ZBTB44: variants seen among roughly 807,000 people sequenced by gnomAD.
ZBTB44 encodes zinc finger and BTB domain containing 44.
Under a neutral mutation model 54.0 loss-of-function variants are expected in ZBTB44, and 15 were observed. The observed-to-expected ratio is 0.28, with a 90% confidence interval of 0.19 to 0.43. ZBTB44 has a LOEUF of 0.43. Ranked by LOEUF, ZBTB44 falls within the 20% of genes least tolerant of loss-of-function variation. The probability of loss-of-function intolerance (pLI) is 1.00; values close to 1 mark genes in which losing one functional copy is unlikely to be tolerated. For missense variants in ZBTB44, 487 were observed against 707.1 expected (o/e 0.69, Z 3.53); for synonymous variants, 230 against 250.1 (o/e 0.92, Z 0.76).
chr11:130,234,282 G>A lies in ZBTB44; in HGVS notation c.1569-9C>T, dbSNP rs770988877. On this transcript the variant is annotated splice_polypyrimidine_tract_variant and intron_variant, in intron 5 of 7. Coordinates refer to ENST00000357899, the MANE Select transcript of ZBTB44 (RefSeq NM_001301098.2). ...CCGGTACTAGGAAATCACTAGATAA[G>A]AGGCAAAGGATGAAATATGGAATTA... The A allele has an allele frequency of 2.0e-6, 3 of 1,525,452 alleles. No individual in the cohort carries two copies. Among genetic ancestry groups the A allele is most frequent in the Non-Finnish European group, 2.6e-6 (3 of 1,135,058 alleles). 94.5% of individuals were successfully genotyped at this position (1,525,452 alleles called of 1,614,324 possible).
At chr11:130,238,653 A>G (rs1954217496) in intron 3 of ZBTB44, 46 bp from the exon 4 acceptor site, 2 of 1,571,150 alleles carry the variant, frequency 1.3e-6, no homozygotes, top group Admixed American at 1.9e-5. Context: ...TGATTTTTAA[A>G]CTGAATAAAC....
At chr11:130,235,532 G>A (rs1374332747) in intron 5 of ZBTB44, among the ~76,000 whole-genome samples, 1 of 152,142 alleles carries the variant, frequency 6.6e-6, no homozygotes, top group Non-Finnish European at 1.5e-5. Context: ...GTCAGGGGTG[G>A]TGCCCACACT....
intron 2 of ZBTB44, among the ~76,000 whole-genome samples, chr11:130,248,307 T>C (rs911508422): frequency 2.0e-5 from 3 of 152,208 alleles, no homozygotes; most frequent in Admixed American, 6.5e-5. Context: ...GATTGGTTTG[T>C]TGAGAGTGAT....
intron 1 of ZBTB44, among the ~76,000 whole-genome samples, chr11:130,291,018 A>G (rs1182436752): frequency 6.6e-6 from 1 of 152,144 alleles, no homozygotes; most frequent in Non-Finnish European, 1.5e-5. Flanking sequence ...TGTATCATAC[A>G]TATTCCCACT....
intron 1 of ZBTB44, among the ~76,000 whole-genome samples, chr11:130,263,028 T>TCCACC (rs1410986057): frequency 2.0e-5 from 3 of 152,334 alleles, no homozygotes; most frequent in Non-Finnish European, 4.4e-5. Flanking sequence ...ACCACTGCAC[T>TCCACC]CCACCCTTGG....
At chr11:130,270,941 T>C (rs1027193774) in intron 1 of ZBTB44, among the ~76,000 whole-genome samples, 3 of 152,214 alleles carry the variant, frequency 2.0e-5, no homozygotes, top group Non-Finnish European at 4.4e-5. Flanking sequence ...AATTTCATTC[T>C]GCTGAATTTA....
intron 1 of ZBTB44, among the ~76,000 whole-genome samples, chr11:130,282,760 C>T (rs930176209): frequency 2.6e-5 from 4 of 152,158 alleles, no homozygotes; most frequent in South Asian, 4.1e-4. Flanking sequence ...CTCTCTTCCA[C>T]GTTGGCAATT....
intron 1 of ZBTB44, among the ~76,000 whole-genome samples, chr11:130,309,179 C>G (rs1457057057): frequency 6.6e-6 from 1 of 152,232 alleles, no homozygotes; most frequent in Non-Finnish European, 1.5e-5. Context: ...GTCAGCTTCT[C>G]TCTTGCTGAT....
intron 2 of ZBTB44, among the ~76,000 whole-genome samples, chr11:130,255,712 G>C (rs1428861867): frequency 6.6e-6 from 1 of 151,802 alleles, no homozygotes; most frequent in African/African-American, 2.4e-5. Context: ...ATGATAAAAG[G>C]GATGTCATTA....
chr11:130,291,826 T>A (rs1029550616), intron 1 of ZBTB44, among the ~76,000 whole-genome samples: 1 of 152,226 alleles, frequency 6.6e-6, no homozygotes, highest in Middle Eastern at 3.2e-3. Context: ...ATAATTCATG[T>A]ACAATAAACT....
chr11:130,244,528 G>T (rs970605141), intron 2 of ZBTB44, among the ~76,000 whole-genome samples: 1 of 151,910 alleles, frequency 6.6e-6, no homozygotes, highest in Non-Finnish European at 1.5e-5. Flanking sequence ...TTAGCCGGGC[G>T]TGGTGGCGGG....
At chr11:130,307,853 G>A (rs763101660) in intron 1 of ZBTB44, among the ~76,000 whole-genome samples, 1 of 152,228 alleles carries the variant, frequency 6.6e-6, no homozygotes, top group Non-Finnish European at 1.5e-5. Context: ...AGCCTCCCAA[G>A]TAGCTGTGAC....
Position 130,249,650 on chromosome 11 carries a change from A to C in ZBTB44, c.1019-9754T>G, listed in dbSNP as rs183149479. 1.2e-4 allele frequency among the ~76,000 whole-genome samples: 18 copies of C among 152,340 alleles called. No individual in the cohort carries two copies. In the East Asian group the frequency reaches 3.5e-3, roughly 29 times the overall value. ...TGGGTACAGCCCACAGAGGGTGAGC[A>C]GAAGCAGGGTGGGGCGTTACCTCAC... On this transcript the variant is annotated intron_variant, in intron 2 of 7. Coordinates refer to ENST00000357899, the MANE Select transcript of ZBTB44 (RefSeq NM_001301098.2).
chr11:130,295,673 T>G, intron 1 of ZBTB44: 1 of 1,323,012 alleles, frequency 7.6e-7, no homozygotes, highest in Non-Finnish European at 1.1e-6. Context: ...AAATTCAGCA[T>G]GAAAGTATCA....
At chr11:130,306,538 G>C (rs1281504827) in intron 1 of ZBTB44, among the ~76,000 whole-genome samples, 2 of 151,706 alleles carry the variant, frequency 1.3e-5, no homozygotes, top group African/African-American at 4.8e-5. Flanking sequence ...ACTACCATTT[G>C]ATCCAGCAAT....
rs755954147 is a variant in ZBTB44, at chr11:130,261,916, A to T, written c.-43T>A. 6.6e-7 allele frequency: 1 copy of T among 1,521,830 alleles called. No individual in the cohort carries two copies. Among genetic ancestry groups the T allele is most frequent in the Non-Finnish European group, 8.8e-7 (1 of 1,137,582 alleles). 94.3% of individuals were successfully genotyped at this position (1,521,830 alleles called of 1,614,324 possible). ...ACAGATGCTCTTCAAGGATGCAAAT[A>T]AATCAGAAATGTCCTAAAAAATACA... On this transcript the variant is annotated 5_prime_UTR_variant, in exon 2 of 8. Coordinates refer to ENST00000357899, the MANE Select transcript of ZBTB44 (RefSeq NM_001301098.2). The surrounding 1 kb of genome is among the most constrained non-coding windows in gnomAD (Gnocchi z 4.8).
rs141580282 is a variant in ZBTB44 at position 130,250,134 on chromosome 11, G to A, written c.1019-10238C>T. 6.6e-3 allele frequency among the ~76,000 whole-genome samples: 1,011 copies of A among 152,274 alleles called. 14 individuals are homozygous for A. The highest frequency in any genetic ancestry group is 0.035 in the South Asian group (167 of 4,830). On this transcript the variant is annotated intron_variant, in intron 2 of 7. Transcript: ENST00000357899. The stretch of plus-strand genomic sequence containing the variant: ...GAGTAGTTGGTTTTCCCCTGACAGC[G>A]CTAAAAAGGCCTGGAAGTTCCAACT...
intron 1 of ZBTB44, among the ~76,000 whole-genome samples, chr11:130,306,431 G>C (rs1190969034): frequency 6.6e-6 from 1 of 151,966 alleles, no homozygotes; most frequent in African/African-American, 2.4e-5. Context: ...GAACCCAGGA[G>C]GCAGAGGTTG....
intron 1 of ZBTB44, among the ~76,000 whole-genome samples, chr11:130,276,239 A>AAAAAAAAAAAAG (rs1364226052): frequency 1.4e-5 from 2 of 142,416 alleles, no homozygotes; most frequent in Non-Finnish European, 3.0e-5. Context: ...TCTCAAAAAA[A>AAAAAAAAAAAAG]AAAAAAAGAA....
Sources: gnomAD v4.1 joint callset for allele counts (sites outside exome capture counted in the v4.1 genomes callset) on GRCh38, gnomAD v4.1.1 for gene constraint, Gnocchi (gnomAD v3.1) non-coding constraint, MANE v1.5 for transcripts, NCBI Gene and HGNC (gene_info 2026-07-23, HGNC 2026-07-21) for gene names.